The following UGT2A1 variants were observed in gnomAD, a reference collection of about 807,000 sequenced individuals.
UGT2A1 encodes UDP glucuronosyltransferase family 2 member A1 complex locus.
Under a neutral mutation model 45.4 loss-of-function variants are expected in UGT2A1, and 61 were observed. That is an observed-to-expected ratio of 1.34 (90% CI 1.09 to 1.66). UGT2A1 has a LOEUF of 1.66. Among genes scored for constraint, UGT2A1 ranks in the 40% most tolerant of loss-of-function variants. The pLI is 0.00. For missense variants in UGT2A1, 649 were observed against 574.3 expected, an observed-to-expected ratio of 1.13 and a Z score of -1.33; for synonymous variants, 229 against 196.2, an observed-to-expected ratio of 1.17 and a Z score of -1.40.
intron 3 of UGT2A1, among the ~76,000 whole-genome samples, chr4:69,635,428 T>C (rs896588532): frequency 2.6e-5 from 4 of 152,180 alleles, no homozygotes; most frequent in African/African-American, 7.2e-5. Context: ...TTCACTACAG[T>C]GTTCAAGGGC....
At chr4:69,648,373 T>C (rs1722378258) in intron 1 of UGT2A1, among the ~76,000 whole-genome samples, 1 of 151,672 alleles carries the variant, frequency 6.6e-6, no homozygotes, top group East Asian at 1.9e-4. Flanking sequence ...GTAATGCTAG[T>C]AGTGAATAGG....
chr4:69,599,099 G>A, intron 4 of UGT2A1, 147 bp downstream of exon 4: 1 of 1,202,804 alleles, frequency 8.3e-7, no homozygotes, highest in South Asian at 1.9e-5. Context: ...ATCACTTGTA[G>A]GAGACCTCTA....
At chr4:69,639,286 C>A in intron 2 of UGT2A1, 1 of 1,613,640 alleles carries the variant, frequency 6.2e-7, no homozygotes, top group Non-Finnish European at 8.5e-7. Flanking sequence ...TTTCCTAGTT[C>A]TTTGTAGAAA....
At chr4:69,601,236 C>A (rs1214629327) in intron 3 of UGT2A1, among the ~76,000 whole-genome samples, 1 of 152,164 alleles carries the variant, frequency 6.6e-6, no homozygotes, top group Non-Finnish European at 1.5e-5. Flanking sequence ...GAGCTTCCCT[C>A]TGATCCTCAC....
At chr4:69,649,453 A>G (rs745619732) in intron 1 of UGT2A1, among the ~76,000 whole-genome samples, 5 of 152,062 alleles carry the variant, frequency 3.3e-5, no homozygotes, top group Non-Finnish European at 7.4e-5. Context: ...TCTTCTATTT[A>G]TTTATTGGCA....
chr4:69,600,829 G>C (rs867310001), intron 3 of UGT2A1, among the ~76,000 whole-genome samples: 1 of 151,284 alleles, frequency 6.6e-6, no homozygotes, highest in Non-Finnish European at 1.5e-5. Context: ...AACAGATCTC[G>C]TGATAACTCA....
At chr4:69,616,719 A>G (rs1471221321) in intron 3 of UGT2A1, among the ~76,000 whole-genome samples, 2 of 151,932 alleles carry the variant, frequency 1.3e-5, no homozygotes, top group African/African-American at 4.8e-5. Flanking sequence ...TAGGGAGATA[A>G]GAAATGGAAA....
intron 3 of UGT2A1, among the ~76,000 whole-genome samples, chr4:69,625,944 CG>C (rs1488632605): frequency 1.3e-5 from 2 of 151,452 alleles, no homozygotes; most frequent in Non-Finnish European, 3.0e-5. Flanking sequence ...AAACTATCAT[CG>C]AAGAGTTATC....
chr4:69,598,342 CTTA>C (rs1309246822), intron 4 of UGT2A1, among the ~76,000 whole-genome samples: 3 of 152,110 alleles, frequency 2.0e-5, no homozygotes, highest in Non-Finnish European at 2.9e-5. Context: ...TTCCTCACTC[CTTA>C]TTGATAGTTA....
chr4:69,627,191 G>T (rs1360791493), intron 3 of UGT2A1, among the ~76,000 whole-genome samples: 1 of 151,496 alleles, frequency 6.6e-6, no homozygotes, highest in Non-Finnish European at 1.5e-5. Context: ...AAAATCCTTT[G>T]CCACAATAAC....
chr4:69,607,266 G>A (rs79471843), intron 3 of UGT2A1, among the ~76,000 whole-genome samples: 117,016 of 147,616 alleles, frequency 0.79, 46,533 homozygotes, highest in African/African-American at 0.86. Context: ...ATAATGCTGC[G>A]TATCTACAAC....
intron 6 of UGT2A1, among the ~76,000 whole-genome samples, chr4:69,590,661 T>TGTG (rs1718542530): frequency 7.4e-6 from 1 of 134,758 alleles, no homozygotes; most frequent in African/African-American, 2.7e-5. Context: ...GTGTGTGTGT[T>TGTG]TGTGTGTCTG....
intron 1 of UGT2A1, among the ~76,000 whole-genome samples, chr4:69,649,290 G>A (rs145048408): frequency 2.0e-3 from 304 of 152,142 alleles, no homozygotes; most frequent in African/African-American, 7.0e-3. Flanking sequence ...AATTCCTTGA[G>A]TGTATTTCCA....
Position 69,594,833 on chromosome 4 carries a change from G to A in UGT2A1, c.1085-137C>T, listed in dbSNP as rs1718823018. On this transcript the variant is annotated intron_variant, in intron 5 of 6. Transcript: ENST00000286604. ...TTTCTACAAAAGCAGATCACATAGG[G>A]CATTGGAATGTCAGAAAACTGTGAT... The A allele has an allele frequency of 1.5e-5, 17 of 1,109,194 alleles. No homozygotes were observed. In the South Asian group the frequency reaches 2.7e-4, roughly 17 times the overall value. 68.7% of individuals were successfully genotyped at this position (1,109,194 alleles called of 1,614,324 possible). A position where few individuals can be genotyped will look rare whatever the true frequency, so the allele number is the denominator to read the frequency against.
At chr4:69,622,624 A>G (rs565861918) in intron 3 of UGT2A1, among the ~76,000 whole-genome samples, 11 of 151,928 alleles carry the variant, frequency 7.2e-5, no homozygotes, top group Non-Finnish European at 1.2e-4. Context: ...TGGATATTGT[A>G]CTGCCAGTTC....
intron 3 of UGT2A1, among the ~76,000 whole-genome samples, chr4:69,621,025 G>A (rs1410840809): frequency 6.6e-6 from 1 of 151,888 alleles, no homozygotes; most frequent in Non-Finnish European, 1.5e-5. Flanking sequence ...AAACATAAAT[G>A]TAAAACCCAA....
chr4:69,605,957 G>A (rs1334989142), intron 3 of UGT2A1, among the ~76,000 whole-genome samples: 4 of 136,486 alleles, frequency 2.9e-5, no homozygotes. Context: ...AAAAAGTCCA[G>A]GACCAGATGG....
Position 69,588,467 on chromosome 4 carries a change from G to T in UGT2A1, c.*905C>A, listed in dbSNP as rs1718378820. ...TTTTTTGGCATAAAATTAAACTTTT[G>T]ATTACAAATAGTGATTATATATTAT... On this transcript the variant is annotated 3_prime_UTR_variant, in exon 7 of 7. Transcript: ENST00000286604. 1 of 151,882 alleles carries T rather than the reference G, an allele frequency of 6.6e-6. No individual in the cohort carries two copies. The highest frequency in any genetic ancestry group is 2.4e-5 in the African/African-American group (1 of 41,384). The allele number at this position is 151,882 out of a possible 1,614,324, so 9.4% of individuals were successfully genotyped here.
intron 3 of UGT2A1, among the ~76,000 whole-genome samples, chr4:69,613,021 A>G (rs1192959853): frequency 6.7e-6 from 1 of 150,118 alleles, no homozygotes; most frequent in Non-Finnish European, 1.5e-5. Flanking sequence ...AAAAATTTAA[A>G]CAGGTCAACA....
Sources: gnomAD v4.1 joint callset for allele counts (sites outside exome capture counted in the v4.1 genomes callset) on GRCh38, gnomAD v4.1.1 for gene constraint, MANE v1.5 for transcripts, NCBI Gene and HGNC (gene_info 2026-07-23, HGNC 2026-07-21) for gene names.